Variants in LHCGR observed in about 807,000 individuals in gnomAD.
The protein encoded by LHCGR is lutropin-choriogonadotropic hormone receptor.
A neutral mutation model predicts 60.7 loss-of-function variants in LHCGR; 55 were observed. That is an observed-to-expected ratio of 0.91 (90% CI 0.73 to 1.13). The LOEUF (loss-of-function observed/expected upper bound fraction) is 1.13. Ranked by LOEUF, LHCGR falls within the 50% of genes most tolerant of loss-of-function variation. LHCGR has a pLI of 0.00. For missense variants in LHCGR, 862 were observed against 836.0 expected (o/e 1.03, Z -0.38); for synonymous variants, 337 against 316.5 (o/e 1.06, Z -0.69).
At chr2:48,710,047 G>A (rs1407546789) in intron 7 of LHCGR, among the ~76,000 whole-genome samples, 1 of 152,156 alleles carries the variant, frequency 6.6e-6, no homozygotes, top group Admixed American at 6.5e-5. Context: ...AGTGTACACA[G>A]CAAAACAAAC....
At chr2:48,743,101 G>A (rs1669544108) in intron 1 of LHCGR, among the ~76,000 whole-genome samples, 1 of 152,196 alleles carries the variant, frequency 6.6e-6, no homozygotes, top group African/African-American at 2.4e-5. Context: ...AGAAGAAATG[G>A]ATAAATTCCT....
rs564926874 is a variant in LHCGR, at chr2:48,715,182, A to G, written c.537-1128T>C. 2.0e-5 allele frequency among the ~76,000 whole-genome samples: 3 copies of G among 152,168 alleles called. No homozygotes were observed. The East Asian group carries it at 5.8e-4, about 29-fold the overall frequency. ...TTTGCTTTGCCTCCGTTGCTTTATC[A>G]TCATCTGACCCATGATTACATTTTA... On this transcript the variant is annotated intron_variant, in intron 6 of 10. Coordinates refer to ENST00000294954, the MANE Select transcript of LHCGR (RefSeq NM_000233.4).
At chr2:48,723,556 A>G in intron 5 of LHCGR, 23 bp from the exon 6 acceptor site, 2 of 1,606,460 alleles carry the variant, frequency 1.2e-6, no homozygotes, top group South Asian at 2.2e-5. Flanking sequence ...AATGAGAAAT[A>G]TTTACTTTCT....
At chr2:48,697,154 A>G (rs1016732519) in intron 9 of LHCGR, among the ~76,000 whole-genome samples, 1 of 152,110 alleles carries the variant, frequency 6.6e-6, no homozygotes, top group Non-Finnish European at 1.5e-5. Context: ...AGTGAGTTTC[A>G]TCTACTGTCT....
intron 1 of LHCGR, among the ~76,000 whole-genome samples, chr2:48,742,999 G>C: frequency 6.6e-6 from 1 of 152,052 alleles, no homozygotes; most frequent in Non-Finnish European, 1.5e-5. Context: ...AATAAAAAAT[G>C]ATAAAGGGGA....
At chr2:48,722,817 G>C (rs1668559884) in intron 6 of LHCGR, among the ~76,000 whole-genome samples, 2 of 152,310 alleles carry the variant, frequency 1.3e-5, no homozygotes, top group Admixed American at 6.5e-5. Flanking sequence ...TTATACACCA[G>C]CTCTCAGAAG....
intron 10 of LHCGR, among the ~76,000 whole-genome samples, chr2:48,691,728 C>A (rs1666844906): frequency 6.6e-6 from 1 of 151,934 alleles, no homozygotes; most frequent in Admixed American, 6.6e-5. Context: ...CCCCTGTAAT[C>A]CCAGCTACTT....
chr2:48,693,307 T>C (rs890458042), intron 10 of LHCGR, among the ~76,000 whole-genome samples: 3 of 152,186 alleles, frequency 2.0e-5, no homozygotes, highest in Non-Finnish European at 2.9e-5. Context: ...GAAAGCCAAA[T>C]GGTATTTCTG....
chr2:48,706,716 C>A (rs952495722), intron 8 of LHCGR, among the ~76,000 whole-genome samples: 6 of 152,154 alleles, frequency 3.9e-5, no homozygotes, highest in Admixed American at 3.9e-4. Flanking sequence ...ACGAAGTTCT[C>A]ATGCTGTGTT....
chr2:48,688,291 A>G lies in LHCGR; in HGVS notation c.1506T>C (p.Leu502=). 1 of 1,614,198 alleles carries G rather than the reference A, an allele frequency of 6.2e-7. No individual in the cohort carries two copies. Among genetic ancestry groups the G allele is most frequent in the Non-Finnish European group, 8.5e-7 (1 of 1,180,034 alleles). ...CCTTCATGTAATTGCTGACACCGAC[A>G]AGGGGCAACATAGCAATTAGAGAAG... The part of the protein sequence containing the change: ...LFSSLIAMLP[L]VGVSNYMKVS... The change falls in exon 11 of 11, where the codon CTT becomes CTC. Residue 502 remains leucine, a synonymous_variant. Transcript: ENST00000294954. The surrounding 1 kb of genome is among the most constrained non-coding windows in gnomAD (Gnocchi z 5.2).
intron 2 of LHCGR, 112 bp from the exon 3 acceptor site, chr2:48,729,339 CCTGAAA>C: frequency 6.1e-6 from 5 of 819,964 alleles, no homozygotes; most frequent in Non-Finnish European, 1.0e-5. Flanking sequence ...ACTGTGTCCC[CCTGAAA>C]AGAACAAAGA....
intron 1 of LHCGR, among the ~76,000 whole-genome samples, chr2:48,731,859 AT>A (rs972184658): frequency 6.6e-6 from 1 of 152,184 alleles, no homozygotes; most frequent in African/African-American, 2.4e-5. Flanking sequence ...CATTAAGAAC[AT>A]GCTCCCATCT....
At chr2:48,709,390 C>G (rs1490448400) in intron 7 of LHCGR, among the ~76,000 whole-genome samples, 1 of 152,316 alleles carries the variant, frequency 6.6e-6, no homozygotes, top group East Asian at 1.9e-4. Flanking sequence ...GTGCAGCCTA[C>G]TCTTTGTTAG....
In LHCGR at chr2:48,722,654, G is replaced by A. The variant is rs181788847; in HGVS notation, c.536+802C>T. On this transcript the variant is annotated intron_variant, in intron 6 of 10. Transcript: ENST00000294954. ...CTGGCTCACCCTTCACCTTCCATCA[G>A]TATTGTAAGTTTCCTGAGACCTCCC... Among the ~76,000 whole-genome samples, 32 of 152,282 alleles carry A rather than the reference G, an allele frequency of 2.1e-4. 1 individual carries two copies. The highest frequency in any genetic ancestry group is 7.7e-4 in the African/African-American group (32 of 41,560).
chr2:48,747,510 T>A (rs72820987), intron 1 of LHCGR, among the ~76,000 whole-genome samples: 18,394 of 152,286 alleles, frequency 0.12, 1,471 homozygotes, highest in South Asian at 0.3. Flanking sequence ...TCTCTGGAAG[T>A]ACCTCAGAAC....
intron 1 of LHCGR, among the ~76,000 whole-genome samples, chr2:48,743,540 C>T (rs1183879934): frequency 2.6e-5 from 4 of 152,078 alleles, no homozygotes; most frequent in Non-Finnish European, 4.4e-5. Context: ...TGGTTCAACA[C>T]ATGCAAATCA....
Position 48,688,189 on chromosome 2 carries a change from C to A in LHCGR, c.1608G>T (p.Val536=). 1.9e-6 allele frequency: 3 copies of A among 1,614,026 alleles called. No homozygotes were observed. The highest frequency in any genetic ancestry group is 2.5e-6 in the Non-Finnish European group (3 of 1,180,008). Residue 536 remains valine, a synonymous_variant, in exon 11 of 11, where the codon GTG becomes GTT. Transcript: ENST00000294954. The surrounding 1 kb of genome is among the most constrained non-coding windows in gnomAD (Gnocchi z 5.2). ...VYILTILILN[V]VAFFIICACY... ...AAGCACAAATTATGAAGAAGGCCAC[C>A]ACATTGAGAATCAGGATGGTTAATA...
At chr2:48,755,418 G>T in intron 1 of LHCGR, 93 bp downstream of exon 1, 1 of 813,922 alleles carries the variant, frequency 1.2e-6, no homozygotes, top group Non-Finnish European at 1.9e-6. Context: ...AGCTTCCAGG[G>T]AAAGGGGGCC....
intron 8 of LHCGR, among the ~76,000 whole-genome samples, chr2:48,707,770 C>T (rs1297903524): frequency 6.6e-6 from 1 of 152,236 alleles, no homozygotes; most frequent in Non-Finnish European, 1.5e-5. Context: ...CTACTAGCAG[C>T]AAGAACTTCA....
Sources: allele counts gnomAD v4.1 joint callset (sites outside exome capture counted in the v4.1 genomes callset), GRCh38; gene constraint gnomAD v4.1.1; non-coding constraint Gnocchi (gnomAD v3.1); transcripts MANE v1.5; gene names NCBI Gene and HGNC (gene_info 2026-07-23, HGNC 2026-07-21).